Variants in CLEC4A observed in about 807,000 individuals in gnomAD.
CLEC4A encodes the protein C-type lectin domain family 4 member A, also known as C-type (calcium dependent, carbohydrate-recognition domain) lectin, superfamily member 6.
A neutral mutation model predicts 32.7 loss-of-function variants in CLEC4A; 27 were observed. The ratio of observed to expected loss-of-function variants is 0.83; its 90% CI spans 0.61 to 1.14. The LOEUF is 1.14. Ranked by LOEUF, CLEC4A falls within the 50% of genes most tolerant of loss-of-function variation. CLEC4A has a pLI of 0.00. For synonymous variants in CLEC4A, 89 were observed against 93.7 expected (o/e 0.95, Z 0.29); for missense variants, 253 against 274.6 (o/e 0.92, Z 0.55).
intron 3 of CLEC4A, chr12:8,134,107 G>A (rs964103959): frequency 1.3e-6 from 2 of 1,594,660 alleles, no homozygotes; most frequent in Non-Finnish European, 1.7e-6. Flanking sequence ...GGCACCGCAG[G>A]AACAAATTCT....
intron 3 of CLEC4A, among the ~76,000 whole-genome samples, chr12:8,133,248 G>A (rs1218230983): frequency 6.6e-6 from 1 of 151,518 alleles, no homozygotes; most frequent in Admixed American, 6.6e-5. Flanking sequence ...ACAGGGTTTC[G>A]CCATGTTGGC....
Position 8,135,543 on chromosome 12 carries a change from G to A in CLEC4A, c.299-42G>A, listed in dbSNP as rs576434993. On this transcript the variant is annotated intron_variant, in intron 3 of 5. Transcript: ENST00000229332. ...TAATAATACACACACTTTTAAGAGT[G>A]ATTATTTATATTGCACGTATGTGCC... 2.5e-6 allele frequency: 4 copies of A among 1,603,286 alleles called. No individual in the cohort carries two copies. The East Asian group carries it at 6.7e-5, about 27-fold the overall frequency.
chr12:8,134,979 G>GTTGTTTT (rs1948073493), intron 3 of CLEC4A: 3 of 166,036 alleles, frequency 1.8e-5, no homozygotes, highest in African/African-American at 7.2e-5. Context: ...AAGCGTTTTT[G>GTTGTTTT]TTTTTTGTTT....
chr12:8,122,384 G>A (rs896134346), upstream of CLEC4A, among the ~76,000 whole-genome samples: 1 of 151,708 alleles, frequency 6.6e-6, no homozygotes, highest in African/African-American at 2.4e-5. Flanking sequence ...AGCAGAGTGA[G>A]GAGGGCTTTC....
chr12:8,105,735 G>A, the CLEC4A span, among the ~76,000 whole-genome samples: 2 of 152,230 alleles, frequency 1.3e-5, no homozygotes, highest in African/African-American at 2.4e-5. Context: ...ACTTTTTAAA[G>A]GGTTGTTTGT....
chr12:8,131,191 T>G (rs1307699277), intron 3 of CLEC4A, among the ~76,000 whole-genome samples: 1 of 152,248 alleles, frequency 6.6e-6, no homozygotes, highest in Non-Finnish European at 1.5e-5. Context: ...TCTTGACTAT[T>G]GATGTTGACC....
In CLEC4A at chr12:8,135,222, T is replaced by C. The variant is rs774855157; in HGVS notation, c.299-363T>C. ...GTCTTGATTGTAGGCATCTATTGAT[T>C]ATTATATTTTATTAAATTTGAAAAC... On this transcript the variant is annotated intron_variant, in intron 3 of 5. Transcript: ENST00000229332. Among the ~76,000 whole-genome samples the C allele has an allele frequency of 3.3e-5, 5 of 151,272 alleles. No homozygotes were observed. In the East Asian group the frequency reaches 9.7e-4, roughly 29 times the overall value.
chr12:8,135,072 G>T, intron 3 of CLEC4A, among the ~76,000 whole-genome samples: 1 of 3,392 alleles, frequency 2.9e-4, no homozygotes, highest in Non-Finnish European at 1.0e-3. Flanking sequence ...TTTTTTTTGA[G>T]ACAGGTTCTC....
chr12:8,134,673 A>C (rs755984247), intron 3 of CLEC4A: 16 of 1,583,268 alleles, frequency 1.0e-5, no homozygotes, highest in Non-Finnish European at 1.3e-5. Flanking sequence ...ACATGGGGGA[A>C]TCCCCCACTC....
chr12:8,134,913 T>A, intron 3 of CLEC4A: 1 of 1,430,272 alleles, frequency 7.0e-7, no homozygotes, highest in East Asian at 2.6e-5. Context: ...TTCTAGTTCT[T>A]TGCTGAAACT....
the CLEC4A span, among the ~76,000 whole-genome samples, chr12:8,107,489 C>A: frequency 1.1e-4 from 16 of 152,242 alleles, no homozygotes; most frequent in South Asian, 2.7e-3. Context: ...TAGAATTTGG[C>A]TGTGAATCCA....
chr12:8,133,735 C>T, intron 3 of CLEC4A: 1 of 1,585,958 alleles, frequency 6.3e-7, no homozygotes, highest in African/African-American at 1.3e-5. Flanking sequence ...AGCTCCTCCC[C>T]TCCCCCTGTC....
intron 3 of CLEC4A, among the ~76,000 whole-genome samples, chr12:8,132,409 T>C (rs763080764): frequency 1.3e-5 from 2 of 152,378 alleles, no homozygotes; most frequent in South Asian, 4.1e-4. Flanking sequence ...GACTCGTGGA[T>C]TATTTAAAAG....
At chr12:8,111,400 G>A in the CLEC4A span, among the ~76,000 whole-genome samples, 3 of 147,464 alleles carry the variant, frequency 2.0e-5, no homozygotes, top group African/African-American at 7.5e-5. Context: ...GGCTGGCCTT[G>A]AACTCCTGAC....
the CLEC4A span, among the ~76,000 whole-genome samples, chr12:8,103,552 AT>A: frequency 6.6e-6 from 1 of 151,128 alleles, no homozygotes; most frequent in Admixed American, 6.6e-5. Context: ...CGCCTGGCTA[AT>A]TTTTTGTATT....
chr12:8,125,453 G>A (rs760347239), intron 1 of CLEC4A, 108 bp from the exon 2 acceptor site: 375 of 683,070 alleles, frequency 5.5e-4, no homozygotes, highest in Non-Finnish European at 7.9e-4. Flanking sequence ...ATGTCATACC[G>A]TTAGTAACTG....
At position 8,129,739 on chromosome 12, in the gene CLEC4A, C is replaced by T. The variant is rs140724899; in HGVS notation, c.298+377C>T. Among the ~76,000 whole-genome samples, 55 of 152,276 alleles carry T rather than the reference C, an allele frequency of 3.6e-4. No individual in the cohort carries two copies. In the East Asian group the frequency reaches 7.3e-3, roughly 20 times the overall value. On this transcript the variant is annotated intron_variant, in intron 3 of 5. Coordinates refer to ENST00000229332, the MANE Select transcript of CLEC4A (RefSeq NM_016184.4). ...CCGGGAGGCAGAGGTTGCAGTGAGCCGAGGTTGTGCCACTGCACTCCACCT... is the reference window on the plus strand; with the variant it reads ...CCGGGAGGCAGAGGTTGCAGTGAGCTGAGGTTGTGCCACTGCACTCCACCT...
chr12:8,138,505 G>C lies in CLEC4A; in HGVS notation c.*218G>C. 2.0e-6 allele frequency: 1 copy of C among 501,650 alleles called. No homozygotes were observed. The highest frequency in any genetic ancestry group is 3.5e-5 in the East Asian group (1 of 28,206). 31.1% of individuals were successfully genotyped at this position (501,650 alleles called of 1,614,324 possible). A position where few individuals can be genotyped will look rare whatever the true frequency, so the allele number is the denominator to read the frequency against. ...TTTTCATGTGCCAGAGCCTGTACTG[G>C]AGGCCCCCATTGTGCACACATGGAG... is the stretch of plus-strand genomic sequence containing the variant. On this transcript the variant is annotated 3_prime_UTR_variant, in exon 6 of 6. Transcript: ENST00000229332.
chr12:8,135,763 T>C lies in CLEC4A; in HGVS notation c.450+27T>C, dbSNP rs991888843. The C allele has an allele frequency of 3.7e-6, 6 of 1,610,524 alleles. No homozygotes were observed. In the African/African-American group the frequency reaches 6.7e-5, roughly 18 times the overall value. The stretch of plus-strand genomic sequence containing the variant: ...TACTTTCTAATAGATAATGGGGCTG[T>C]GAGCCCTGCCTGATCTTTGTATATC... On this transcript the variant is annotated intron_variant, in intron 4 of 5. Transcript: ENST00000229332.
Sources: gnomAD v4.1 joint callset for allele counts (sites outside exome capture counted in the v4.1 genomes callset) on GRCh38, gnomAD v4.1.1 for gene constraint, MANE v1.5 for transcripts, NCBI Gene and HGNC (gene_info 2026-07-23, HGNC 2026-07-21) for gene names.